Variants in RNF10 observed in about 807,000 individuals in gnomAD.
The protein encoded by RNF10 is E3 ubiquitin-protein ligase RNF10.
In RNF10, 38 loss-of-function variants were observed where a neutral mutation model predicts 91.4. The observed-to-expected ratio is 0.42, with a 90% CI of 0.32 to 0.54. The LOEUF is 0.54. RNF10 is among the 20% of genes least tolerant of loss of function. RNF10 has a pLI of 0.16. For missense variants in RNF10, 945 were observed against 1,012.0 expected, an observed-to-expected ratio of 0.93 and a Z score of 0.90; for synonymous variants, 364 against 366.3, an observed-to-expected ratio of 0.99 and a Z score of 0.07.
chr12:120,574,619 T>C (rs1877127247), intron 14 of RNF10: 1 of 445,328 alleles, frequency 2.2e-6, no homozygotes, highest in Non-Finnish European at 4.5e-6. Context: ...TTAGTAGCCA[T>C]GTGGTTTAAA....
intron 14 of RNF10, among the ~76,000 whole-genome samples, chr12:120,573,114 G>A (rs1210535871): frequency 2.0e-5 from 3 of 151,900 alleles, no homozygotes; most frequent in African/African-American, 2.4e-5. Flanking sequence ...ATACTTTACC[G>A]CTAAGTACTT....
intron 2 of RNF10, among the ~76,000 whole-genome samples, chr12:120,548,223 G>A (rs1376616515): frequency 6.6e-6 from 1 of 152,158 alleles, no homozygotes; most frequent in Non-Finnish European, 1.5e-5. Context: ...AGTAGAGGTA[G>A]GTAGTTAACT....
intron 4 of RNF10, among the ~76,000 whole-genome samples, chr12:120,556,395 G>T (rs187957379): frequency 3.9e-4 from 59 of 151,450 alleles, no homozygotes; most frequent in African/African-American, 1.4e-3. Flanking sequence ...GCCCGGCGCA[G>T]TGGCGGGTAC....
At chr12:120,539,470 T>A in intron 1 of RNF10, 1 of 1,269,178 alleles carries the variant, frequency 7.9e-7, no homozygotes, top group Non-Finnish European at 1.0e-6. Flanking sequence ...GGATGATGGG[T>A]AAGCAACTTG....
At position 120,577,229 on chromosome 12, in the gene RNF10, T is replaced by TG. The variant is rs1446965125; in HGVS notation, c.*565dup. 2.2e-6 allele frequency: 1 copy of TG among 450,558 alleles called. No individual in the cohort carries two copies. The highest frequency in any genetic ancestry group is 7.1e-5 in the East Asian group (1 of 14,162). The allele number at this position is 450,558 out of a possible 1,614,324, so 27.9% of individuals were successfully genotyped here. ...TGGCCAGGCTGTGGTGCCAGCTTAA[T>TG]GGAGTAGGCTGTCCTTGGCACTTGC... is the stretch of plus-strand genomic sequence containing the variant. On this transcript the variant is annotated 3_prime_UTR_variant, in exon 17 of 17. Transcript: ENST00000325954.
intron 12 of RNF10, 79 bp downstream of exon 12, chr12:120,565,608 C>T: frequency 8.4e-7 from 1 of 1,186,324 alleles, no homozygotes. Flanking sequence ...ACCTGGGAGC[C>T]AGACCTTAGC....
Position 120,563,339 on chromosome 12 carries a change from T to C in RNF10, c.1255-8T>C, listed in dbSNP as rs1170176893. On this transcript the variant is annotated splice_region_variant and splice_polypyrimidine_tract_variant and intron_variant, in intron 8 of 16. Coordinates refer to ENST00000325954, the MANE Select transcript of RNF10 (RefSeq NM_014868.5). The stretch of plus-strand genomic sequence containing the variant: ...TCCTTTCTGTTGACTTAGAGTTTGC[T>C]GCAACAGGGTGTGCTGGAGTATCTG... The C allele has an allele frequency of 1.2e-6, 2 of 1,601,646 alleles. No homozygotes were observed. The highest frequency in any genetic ancestry group is 1.3e-5 in the African/African-American group (1 of 74,706).
chr12:120,556,566 TCTCA>T (rs1206712377), intron 4 of RNF10, among the ~76,000 whole-genome samples: 2 of 133,788 alleles, frequency 1.5e-5, no homozygotes, highest in Non-Finnish European at 3.2e-5. Context: ...AAGCTTGAAC[TCTCA>T]CTACTGTGAA....
chr12:120,542,042 ATTT>A (rs1381643468), intron 1 of RNF10, among the ~76,000 whole-genome samples: 1 of 150,340 alleles, frequency 6.7e-6, no homozygotes, highest in Non-Finnish European at 1.5e-5. Flanking sequence ...AATTTTTTGT[ATTT>A]TTAGTAGAGA....
rs1877264831 is a variant in RNF10, at chr12:120,575,501, G to T, written c.2143-130G>T. On this transcript the variant is annotated intron_variant, in intron 14 of 16. Coordinates refer to ENST00000325954, the MANE Select transcript of RNF10 (RefSeq NM_014868.5). ...TGACTAGAACAGTGTGTTAAGGAGAGAAGTACCTGGAAAATCTTTTCAAAG... is the reference window on the plus strand; with the variant it reads ...TGACTAGAACAGTGTGTTAAGGAGATAAGTACCTGGAAAATCTTTTCAAAG... 5.3e-6 allele frequency: 5 copies of T among 949,252 alleles called. No individual in the cohort carries two copies. In the East Asian group the frequency reaches 1.2e-4, roughly 23 times the overall value. 58.8% of individuals were successfully genotyped at this position (949,252 alleles called of 1,614,324 possible). A position where few individuals can be genotyped will look rare whatever the true frequency, so the allele number is the denominator to read the frequency against.
chr12:120,552,336 G>C (rs1265724120), intron 2 of RNF10, among the ~76,000 whole-genome samples, 163 bp from the exon 3 acceptor site: 2 of 150,006 alleles, frequency 1.3e-5, no homozygotes, highest in Non-Finnish European at 3.0e-5. Flanking sequence ...GGAGGCAGAG[G>C]TTGCAGTGAG....
intron 13 of RNF10, among the ~76,000 whole-genome samples, chr12:120,569,822 GC>G (rs1160604089): frequency 2.0e-5 from 3 of 152,104 alleles, no homozygotes; most frequent in Non-Finnish European, 2.9e-5. Context: ...ATAGGCCTGA[GC>G]CACTGTGCCC....
chr12:120,560,156 T>TG (rs1247293576), intron 6 of RNF10, among the ~76,000 whole-genome samples: 1 of 148,950 alleles, frequency 6.7e-6, no homozygotes, highest in East Asian at 2.0e-4. Context: ...TTTTTTTTGT[T>TG]TTTTTTTTTT....
chr12:120,553,331 A>G (rs889051482), intron 3 of RNF10, among the ~76,000 whole-genome samples: 13 of 148,216 alleles, frequency 8.8e-5, no homozygotes, highest in Non-Finnish European at 1.8e-4. Context: ...CTCGTGATCC[A>G]CCTGCCTCGG....
intron 7 of RNF10, among the ~76,000 whole-genome samples, chr12:120,562,029 G>T (rs188043483): frequency 5.7e-4 from 86 of 151,974 alleles, no homozygotes; most frequent in East Asian, 3.5e-3. Context: ...TAAGTTCAGG[G>T]GTACAAATGC....
At chr12:120,572,141 G>A (rs78714658) in intron 14 of RNF10, among the ~76,000 whole-genome samples, 27,315 of 149,908 alleles carry the variant, frequency 0.18, 2,614 homozygotes, top group Middle Eastern at 0.24. Context: ...ATCTTGGCTT[G>A]CTGTAAGCTC....
chr12:120,554,605 C>T, intron 3 of RNF10, 113 bp from the exon 4 acceptor site: 2 of 809,024 alleles, frequency 2.5e-6, no homozygotes, highest in Non-Finnish European at 4.2e-6. Flanking sequence ...CCTCATGAAC[C>T]AGGGCTGCTA....
At chr12:120,575,979 T>G (rs1593126402) in intron 16 of RNF10, 29 bp downstream of exon 16, 1 of 1,611,052 alleles carries the variant, frequency 6.2e-7, no homozygotes, top group Non-Finnish European at 8.5e-7. Context: ...GTGCCCAGGG[T>G]TGTCAAACAT....
intron 4 of RNF10, 51 bp downstream of exon 4, chr12:120,554,859 G>T: frequency 7.0e-7 from 1 of 1,419,160 alleles, no homozygotes; most frequent in South Asian, 1.1e-5. Flanking sequence ...ACTAAATAAA[G>T]GCACTGTGGT....
Sources: gnomAD v4.1 joint callset for allele counts (sites outside exome capture counted in the v4.1 genomes callset) on GRCh38, gnomAD v4.1.1 for gene constraint, MANE v1.5 for transcripts, NCBI Gene and HGNC (gene_info 2026-07-23, HGNC 2026-07-21) for gene names.